The following PTCSC3 variants were observed in gnomAD, a reference collection of about 807,000 sequenced individuals.
PTCSC3 encodes papillary thyroid carcinoma susceptibility candidate 3 (non-protein coding).
intron 1 of PTCSC3, among the ~76,000 whole-genome samples, chr14:36,174,909 G>C (rs1007767599): frequency 6.6e-6 from 1 of 152,154 alleles, no homozygotes; most frequent in Non-Finnish European, 1.5e-5. Context: ...CCAGAACTCT[G>C]ACATCTCTGC....
In PTCSC3 at chr14:36,169,168, G is replaced by A. The variant is rs1348542364; in HGVS notation, n.172-6485C>T. On this transcript the variant is annotated intron_variant and non_coding_transcript_variant, in intron 1 of 3. Transcript: ENST00000556013. Reference sequence around the variant, plus strand: ...CCAAATTTACACATTCAATATGGGAGGCAAAATTTTAAAACTCAGCTGTGG... The same window carrying A: ...CCAAATTTACACATTCAATATGGGAAGCAAAATTTTAAAACTCAGCTGTGG... Among the ~76,000 whole-genome samples, 5 of 152,134 alleles carry A rather than the reference G, an allele frequency of 3.3e-5. No individual in the cohort carries two copies. The South Asian group carries it at 6.2e-4, about 19-fold the overall frequency.
downstream of PTCSC3, among the ~76,000 whole-genome samples, chr14:36,135,233 A>G (rs1468446413): frequency 1.3e-5 from 2 of 152,182 alleles, no homozygotes; most frequent in Non-Finnish European, 2.9e-5. Context: ...TAGGGGAGAG[A>G]AAAAAGGAAG....
chr14:36,137,399 G>T (rs1474610701), intron 3 of PTCSC3, among the ~76,000 whole-genome samples: 2 of 152,196 alleles, frequency 1.3e-5, no homozygotes, highest in Non-Finnish European at 2.9e-5. Context: ...CTCTGAATGA[G>T]ATGGGCAATA....
exon 1 of PTCSC3, chr14:36,176,433 A>G (rs1882281340): frequency 2.0e-5 from 3 of 151,890 alleles, no homozygotes; most frequent in Admixed American, 2.0e-4. Flanking sequence ...GGATGCAAGA[A>G]AAACAACAGG....
intron 3 of PTCSC3, among the ~76,000 whole-genome samples, chr14:36,146,659 T>C (rs1189805003): frequency 6.6e-6 from 1 of 152,272 alleles, no homozygotes; most frequent in Admixed American, 6.5e-5. Flanking sequence ...TTAGTCCGTT[T>C]ACATTTAAAG....
chr14:36,145,473 GGTAGTTC>G (rs1162172056), intron 3 of PTCSC3, among the ~76,000 whole-genome samples: 1 of 149,516 alleles, frequency 6.7e-6, no homozygotes, highest in African/African-American at 2.5e-5. Flanking sequence ...ATTCTCTGAT[GGTAGTTC>G]GTATTTCTGT....
At chr14:36,155,959 A>G (rs534097455) in intron 2 of PTCSC3, among the ~76,000 whole-genome samples, 26 of 152,338 alleles carry the variant, frequency 1.7e-4, no homozygotes, top group African/African-American at 5.8e-4. Context: ...ACTGCATCCA[A>G]TAGATTGTAT....
chr14:36,160,109 C>T (rs1238065250), intron 2 of PTCSC3, among the ~76,000 whole-genome samples: 1 of 152,136 alleles, frequency 6.6e-6, no homozygotes, highest in African/African-American at 2.4e-5. Flanking sequence ...TTATTTTGAG[C>T]CTATGTGTGT....
intron 2 of PTCSC3, among the ~76,000 whole-genome samples, chr14:36,161,044 C>G (rs1289919475): frequency 1.3e-5 from 2 of 152,082 alleles, no homozygotes; most frequent in Admixed American, 6.5e-5. Context: ...TCATGAAGTT[C>G]TCGTGCTGTG....
chr14:36,162,142 G>T (rs1419275244), intron 2 of PTCSC3, among the ~76,000 whole-genome samples: 1 of 151,958 alleles, frequency 6.6e-6, no homozygotes, highest in Non-Finnish European at 1.5e-5. Context: ...TAGCTTGCTG[G>T]ACTCTGTGGG....
intron 2 of PTCSC3, among the ~76,000 whole-genome samples, chr14:36,154,642 C>A (rs377478858): frequency 6.6e-6 from 1 of 151,980 alleles, no homozygotes; most frequent in African/African-American, 2.4e-5. Flanking sequence ...GGATGAGGGT[C>A]TGACTGGGGT....
At position 36,162,259 on chromosome 14, in the gene PTCSC3, A is replaced by G. The variant is rs1486910418; in HGVS notation, n.231+365T>C. ...CGTTCCAGGAGCTGCTGGGGTATGG[A>G]AAAAAAAAAAAAAAAAAAAAAAAAA... On this transcript the variant is annotated intron_variant and non_coding_transcript_variant, in intron 2 of 3. Transcript: ENST00000556013. Among the ~76,000 whole-genome samples, 16 of 24,814 alleles carry G rather than the reference A, an allele frequency of 6.4e-4. 1 individual carries two copies. Among genetic ancestry groups the G allele is most frequent in the South Asian group, 3.8e-3 (3 of 794 alleles). 16.3% of individuals were successfully genotyped at this position (24,814 alleles called of 152,430 possible).
chr14:36,151,656 G>A (rs1464808495), intron 3 of PTCSC3, among the ~76,000 whole-genome samples: 1 of 152,088 alleles, frequency 6.6e-6, no homozygotes, highest in African/African-American at 2.4e-5. Context: ...ACTTTTAGAA[G>A]AAGTTCTTAG....
intron 3 of PTCSC3, among the ~76,000 whole-genome samples, chr14:36,146,597 G>A (rs1012386073): frequency 7.9e-5 from 12 of 152,316 alleles, no homozygotes; most frequent in African/African-American, 2.9e-4. Flanking sequence ...GCACACTGAT[G>A]GGTCTTGACT....
chr14:36,135,671 T>G (rs781751906), downstream of PTCSC3, among the ~76,000 whole-genome samples: 1 of 152,184 alleles, frequency 6.6e-6, no homozygotes, highest in African/African-American at 2.4e-5. Flanking sequence ...ATGAAGGTGG[T>G]GCTGATAATG....
rs189532561 is a variant in PTCSC3, at chr14:36,173,156, A to G, written n.171+3142T>C. On this transcript the variant is annotated intron_variant and non_coding_transcript_variant, in intron 1 of 3. Transcript: ENST00000556013. ...CAAAATTAGGTATTTAAAGGCAGTAACTCAAATCTGAATACATATTACAGG... is the reference window on the plus strand; with the variant it reads ...CAAAATTAGGTATTTAAAGGCAGTAGCTCAAATCTGAATACATATTACAGG... 6.7e-3 allele frequency among the ~76,000 whole-genome samples: 1,017 copies of G among 152,236 alleles called. 11 individuals are homozygous for G. The highest frequency in any genetic ancestry group is 0.021 in the African/African-American group (857 of 41,536).
chr14:36,165,296 G>A (rs1269050256), intron 1 of PTCSC3: 2 of 152,176 alleles, frequency 1.3e-5, no homozygotes, highest in Non-Finnish European at 2.9e-5. Context: ...CTTAGAACAG[G>A]TAAGTGTGCT....
At chr14:36,145,064 G>A (rs375044571) in intron 3 of PTCSC3, among the ~76,000 whole-genome samples, 4,122 of 105,282 alleles carry the variant, frequency 0.039, 455 homozygotes, top group Admixed American at 0.13. Context: ...CGTTTTGCCC[G>A]TATTTTATTG....
intron 1 of PTCSC3, among the ~76,000 whole-genome samples, chr14:36,173,419 A>C (rs1882224323): frequency 6.6e-6 from 1 of 152,072 alleles, no homozygotes; most frequent in Non-Finnish European, 1.5e-5. Flanking sequence ...CTGAGACTAG[A>C]CTCTGAGCTG....
Sources: gnomAD v4.1 joint callset for allele counts (sites outside exome capture counted in the v4.1 genomes callset) on GRCh38, gnomAD v4.1.1 for gene constraint, MANE v1.5 for transcripts, NCBI Gene and HGNC (gene_info 2026-07-23, HGNC 2026-07-21) for gene names.